Variants in VAC14 observed in about 807,000 individuals in gnomAD.
VAC14 encodes VAC14 component of PIKFYVE complex, also known as protein VAC14 homolog.
In VAC14, 47 loss-of-function variants were observed where a neutral mutation model predicts 85.3. The observed-to-expected ratio is 0.55, with a 90% CI of 0.44 to 0.70. The LOEUF (loss-of-function observed/expected upper bound fraction) is 0.70. Among genes scored for constraint, VAC14 ranks in the 30% least tolerant of loss-of-function variants. The probability of loss-of-function intolerance (pLI) is 0.00; values close to 1 mark genes in which losing one functional copy is unlikely to be tolerated. For synonymous variants in VAC14, 447 were observed against 430.5 expected, an observed-to-expected ratio of 1.04 and a Z score of -0.47; for missense variants, 861 against 1,004.3, an observed-to-expected ratio of 0.86 and a Z score of 1.93.
chr16:70,707,638 A>G (rs1360399519), intron 14 of VAC14, among the ~76,000 whole-genome samples: 2 of 151,920 alleles, frequency 1.3e-5, no homozygotes, highest in African/African-American at 4.8e-5. Flanking sequence ...CAGGTCCCTC[A>G]CCCTAAGTTT....
chr16:70,795,541 A>ATGACTC (rs2143347824), intron 1 of VAC14, among the ~76,000 whole-genome samples: 1 of 150,464 alleles, frequency 6.6e-6, no homozygotes, highest in South Asian at 2.1e-4. Flanking sequence ...GAAGCGATAC[A>ATGACTC]TGACTCTGGC....
intron 13 of VAC14, among the ~76,000 whole-genome samples, chr16:70,740,250 C>T (rs768759584): frequency 6.6e-6 from 1 of 152,322 alleles, no homozygotes; most frequent in South Asian, 2.1e-4. Context: ...AGTGAGCCAA[C>T]GTGGCTTACG....
At chr16:70,797,547 A>G (rs1223905606) in intron 1 of VAC14, among the ~76,000 whole-genome samples, 2 of 152,226 alleles carry the variant, frequency 1.3e-5, no homozygotes, top group South Asian at 2.1e-4. Flanking sequence ...GGGCAATTAC[A>G]TAACAATTCT....
At chr16:70,739,935 G>A (rs1398424473) in intron 13 of VAC14, among the ~76,000 whole-genome samples, 2 of 152,078 alleles carry the variant, frequency 1.3e-5, no homozygotes, top group African/African-American at 2.4e-5. Flanking sequence ...ACTGAGCCCC[G>A]CAAGGTATAC....
At chr16:70,724,958 T>A (rs1230697536) in intron 14 of VAC14, among the ~76,000 whole-genome samples, 2 of 152,230 alleles carry the variant, frequency 1.3e-5, no homozygotes, top group African/African-American at 2.4e-5. Flanking sequence ...GCAAACAGAC[T>A]TAGGTTGGTG....
At chr16:70,692,671 CGG>C (rs5817709) in intron 18 of VAC14, 148 bp downstream of exon 18, 2 of 1,040,382 alleles carry the variant, frequency 1.9e-6, no homozygotes, top group Non-Finnish European at 2.8e-6. Context: ...CAAGTGGCTG[CGG>C]GGGGGATGGT....
At chr16:70,763,508 T>C (rs997002554) in intron 10 of VAC14, among the ~76,000 whole-genome samples, 6 of 152,208 alleles carry the variant, frequency 3.9e-5, no homozygotes, top group African/African-American at 1.4e-4. Flanking sequence ...ATAACAACTG[T>C]TGACCTCCGC....
At chr16:70,713,482 C>T (rs192496463) in intron 14 of VAC14, among the ~76,000 whole-genome samples, 4 of 152,312 alleles carry the variant, frequency 2.6e-5, no homozygotes, top group African/African-American at 7.2e-5. Flanking sequence ...CCTTTCCAGA[C>T]GTCCTTCCCC....
rs983879319 is a variant in VAC14 at position 70,697,442 on chromosome 16, C to T, written c.1837-185G>A. Among the ~76,000 whole-genome samples, 8 of 152,230 alleles carry T rather than the reference C, an allele frequency of 5.3e-5. No homozygotes were observed. The South Asian group carries it at 8.3e-4, about 16-fold the overall frequency. On this transcript the variant is annotated intron_variant, in intron 15 of 18. Coordinates refer to ENST00000261776, the MANE Select transcript of VAC14 (RefSeq NM_018052.5). Reference sequence around the variant, plus strand: ...ACAAAGGAAATGCTGACAGCTCCTTCGCAGACCCTGTCATTACCTCCCAGT... The same window carrying T: ...ACAAAGGAAATGCTGACAGCTCCTTTGCAGACCCTGTCATTACCTCCCAGT...
At chr16:70,691,923 G>A (rs942579978) in intron 18 of VAC14, 6 of 985,290 alleles carry the variant, frequency 6.1e-6, no homozygotes, top group South Asian at 4.7e-5. Context: ...GGAGCAAGGC[G>A]CCAGGCCTGC....
intron 14 of VAC14, 173 bp downstream of exon 14, chr16:70,731,322 C>T (rs905516198): frequency 5.5e-6 from 8 of 1,455,304 alleles, no homozygotes; most frequent in African/African-American, 1.4e-5. Context: ...ATGTCAGAAG[C>T]ATCAGCAACC....
chr16:70,752,981 C>G (rs970328949), intron 12 of VAC14, among the ~76,000 whole-genome samples: 1 of 151,142 alleles, frequency 6.6e-6, no homozygotes, highest in African/African-American at 2.5e-5. Flanking sequence ...CAGAGGGAAC[C>G]TGGCCCAGCC....
intron 6 of VAC14, 42 bp downstream of exon 6, chr16:70,783,403 G>A: frequency 6.3e-6 from 10 of 1,589,478 alleles, no homozygotes; most frequent in Non-Finnish European, 7.8e-6. Flanking sequence ...CACAGCTGGG[G>A]GTGGCAGGAG....
At chr16:70,716,872 A>C (rs2054178260) in intron 14 of VAC14, 1 of 152,254 alleles carries the variant, frequency 6.6e-6, no homozygotes, top group South Asian at 2.1e-4. Flanking sequence ...GCCTGCTCCC[A>C]CTGTGGATCT....
chr16:70,720,823 C>T (rs1002129145), intron 14 of VAC14, among the ~76,000 whole-genome samples: 2 of 152,304 alleles, frequency 1.3e-5, no homozygotes, highest in African/African-American at 4.8e-5. Flanking sequence ...AAGACTGGGG[C>T]CGGGGCAGGT....
intron 14 of VAC14, among the ~76,000 whole-genome samples, chr16:70,702,770 G>A (rs181152876): frequency 6.6e-6 from 1 of 152,334 alleles, no homozygotes; most frequent in Admixed American, 6.5e-5. Flanking sequence ...GCTGGGGAGG[G>A]AGGAAAGAGG....
rs953306671 is a variant in VAC14 at position 70,687,743 on chromosome 16, A to G, written c.*185T>C. 20 of 555,434 alleles carry G rather than the reference A, an allele frequency of 3.6e-5. No individual in the cohort carries two copies. In the African/African-American group the frequency reaches 3.9e-4, roughly 11 times the overall value. The allele number at this position is 555,434 out of a possible 1,614,324, so 34.4% of individuals were successfully genotyped here. ...GCCAGGGTGCAGCTGACAGCGCTGG[A>G]GGCCTGGGGACTGGACTCTGAGAGG... is the stretch of plus-strand genomic sequence containing the variant. On this transcript the variant is annotated 3_prime_UTR_variant, in exon 19 of 19. Transcript: ENST00000261776.
chr16:70,759,756 A>C (rs1009661025), intron 12 of VAC14, among the ~76,000 whole-genome samples: 14 of 152,218 alleles, frequency 9.2e-5, no homozygotes, highest in Non-Finnish European at 2.1e-4. Flanking sequence ...ATCATGAGGA[A>C]ATGAGGAGGA....
chr16:70,707,988 A>G (rs2053954157), intron 14 of VAC14, among the ~76,000 whole-genome samples: 1 of 151,974 alleles, frequency 6.6e-6, no homozygotes, highest in Non-Finnish European at 1.5e-5. Flanking sequence ...ACTGGGTTTC[A>G]CCATGTTGGC....
Sources: gnomAD v4.1 joint callset for allele counts (sites outside exome capture counted in the v4.1 genomes callset) on GRCh38, gnomAD v4.1.1 for gene constraint, MANE v1.5 for transcripts, NCBI Gene and HGNC (gene_info 2026-07-23, HGNC 2026-07-21) for gene names.